RAPGEF1: variants seen among roughly 807,000 people sequenced by gnomAD.
RAPGEF1 encodes CRK SH3-binding GNRP.
A neutral mutation model predicts 143.3 loss-of-function variants in RAPGEF1; 33 were observed. The ratio of observed to expected loss-of-function variants is 0.23; its 90% CI spans 0.17 to 0.31. RAPGEF1 has a LOEUF of 0.31. RAPGEF1 is among the 10% of genes least tolerant of loss of function. The pLI is 1.00. For missense variants in RAPGEF1, 1,199 were observed against 1,645.4 expected (o/e 0.73, Z 4.69); for synonymous variants, 629 against 676.5 (o/e 0.93, Z 1.09).
Position 131,727,423 on chromosome 9 carries a change from C to G in RAPGEF1, c.61+12347G>C, listed in dbSNP as rs1836751124. On this transcript the variant is annotated intron_variant, in intron 1 of 26. Coordinates refer to ENST00000683357, the MANE Select transcript of RAPGEF1 (RefSeq NM_001377935.1). ...ATGATCTTAAAAAGCTCAGGAACCT[C>G]TGTTCCAGTTCAAGGCCCTCCAATT... 2.0e-5 allele frequency among the ~76,000 whole-genome samples: 3 copies of G among 152,180 alleles called. No individual in the cohort carries two copies. The South Asian group carries it at 6.2e-4, about 31-fold the overall frequency.
At chr9:131,725,189 G>C (rs957783101) in intron 1 of RAPGEF1, 1 of 152,252 alleles carries the variant, frequency 6.6e-6, no homozygotes, top group Non-Finnish European at 1.5e-5. Flanking sequence ...TCACTATTTT[G>C]CCCAGGCTGT....
intron 3 of RAPGEF1, among the ~76,000 whole-genome samples, chr9:131,648,752 C>T (rs1970338681): frequency 6.6e-6 from 1 of 152,210 alleles, no homozygotes; most frequent in African/African-American, 2.4e-5. Context: ...CAGGAAAAAC[C>T]ACTTTTCAAC....
At chr9:131,594,059 A>C (rs1954818335) in intron 17 of RAPGEF1, among the ~76,000 whole-genome samples, 1 of 152,036 alleles carries the variant, frequency 6.6e-6, no homozygotes, top group African/African-American at 2.4e-5. Context: ...GAGCCCAGGC[A>C]CGAGGCCACA....
chr9:131,672,409 G>T (rs887972019), intron 1 of RAPGEF1, among the ~76,000 whole-genome samples: 14 of 152,350 alleles, frequency 9.2e-5, no homozygotes, highest in African/African-American at 3.1e-4. Flanking sequence ...GACGGCATCA[G>T]TGTCACATGG....
chr9:131,599,063 T>C (rs902101131), intron 15 of RAPGEF1, among the ~76,000 whole-genome samples: 3 of 151,884 alleles, frequency 2.0e-5, no homozygotes, highest in African/African-American at 7.3e-5. Flanking sequence ...GTCCTCGTGA[T>C]CTGCCCAATT....
At position 131,685,859 on chromosome 9, in the gene RAPGEF1, C is replaced by T. The variant is rs118169404; in HGVS notation, c.62-34910G>A. 5.2e-3 allele frequency among the ~76,000 whole-genome samples: 797 copies of T among 152,206 alleles called. 4 individuals are homozygous for T. Among genetic ancestry groups the T allele is most frequent in the South Asian group, 0.019 (90 of 4,824 alleles). ...GAGAAAACTCAGGCGAATTCAGCTA[C>T]GTGCATTTGGACAAACAGAGAGGCA... On this transcript the variant is annotated intron_variant, in intron 1 of 26. Coordinates refer to ENST00000683357, the MANE Select transcript of RAPGEF1 (RefSeq NM_001377935.1).
chr9:131,580,918 G>A (rs1318814088), intron 25 of RAPGEF1, among the ~76,000 whole-genome samples: 2 of 152,130 alleles, frequency 1.3e-5, no homozygotes, highest in African/African-American at 2.4e-5. Context: ...GCCAAGGTGG[G>A]AGGATCACCT....
intron 14 of RAPGEF1, among the ~76,000 whole-genome samples, chr9:131,603,088 C>G (rs575237306): frequency 1.3e-5 from 2 of 152,316 alleles, no homozygotes; most frequent in African/African-American, 4.8e-5. Flanking sequence ...GGACACTCTT[C>G]AATGTTCTAT....
chr9:131,677,801 A>C (rs1832548342), intron 1 of RAPGEF1, among the ~76,000 whole-genome samples: 1 of 152,226 alleles, frequency 6.6e-6, no homozygotes, highest in South Asian at 2.1e-4. Context: ...TCAGAAGACA[A>C]ACAAGCGGCC....
chr9:131,620,671 T>A (rs1183619975), intron 11 of RAPGEF1, among the ~76,000 whole-genome samples: 1 of 152,132 alleles, frequency 6.6e-6, no homozygotes, highest in Non-Finnish European at 1.5e-5. Flanking sequence ...ACCTCTGAAG[T>A]GGCTGAGTGT....
chr9:131,716,175 T>A (rs928224950), intron 1 of RAPGEF1, among the ~76,000 whole-genome samples: 10 of 152,308 alleles, frequency 6.6e-5, no homozygotes, highest in Admixed American at 2.6e-4. Flanking sequence ...CACCAGCCCA[T>A]CTTTCTTGTG....
intron 10 of RAPGEF1, 71 bp downstream of exon 10, chr9:131,625,851 G>T: frequency 6.7e-7 from 1 of 1,487,176 alleles, no homozygotes; most frequent in Non-Finnish European, 9.0e-7. Context: ...CTGGTCTAAT[G>T]CTGAAATAAA....
At chr9:131,718,347 A>G (rs1305715767) in intron 1 of RAPGEF1, among the ~76,000 whole-genome samples, 2 of 152,164 alleles carry the variant, frequency 1.3e-5, no homozygotes, top group African/African-American at 4.8e-5. Context: ...ATCGCTTCAC[A>G]TGTGTGGGGA....
intron 5 of RAPGEF1, among the ~76,000 whole-genome samples, chr9:131,635,130 T>C (rs1234007336): frequency 6.6e-6 from 1 of 152,182 alleles, no homozygotes; most frequent in African/African-American, 2.4e-5. Flanking sequence ...AAATGGTCAC[T>C]GTGAGCCGTT....
intron 12 of RAPGEF1, among the ~76,000 whole-genome samples, chr9:131,617,980 C>G (rs1049111610): frequency 6.6e-6 from 1 of 152,232 alleles, no homozygotes; most frequent in Non-Finnish European, 1.5e-5. Context: ...AGTGTCAGCC[C>G]CTAGGCTTCA....
At position 131,616,404 on chromosome 9, in the gene RAPGEF1, C is replaced by T. The variant is rs77501825; in HGVS notation, c.2061+2647G>A. ...TGCTGACCCGTGGCCCTGCTTTGCT[C>T]GGGGCCATCCTCCTCAACTGCATGT... On this transcript the variant is annotated intron_variant, in intron 12 of 26. Coordinates refer to ENST00000683357, the MANE Select transcript of RAPGEF1 (RefSeq NM_001377935.1). Among the ~76,000 whole-genome samples the T allele has an allele frequency of 4.2e-4, 64 of 152,304 alleles. 1 individual carries two copies. In the East Asian group the frequency reaches 9.4e-3, roughly 22 times the overall value.
At chr9:131,706,889 T>C (rs1835113656) in intron 1 of RAPGEF1, among the ~76,000 whole-genome samples, 1 of 152,256 alleles carries the variant, frequency 6.6e-6, no homozygotes, top group Non-Finnish European at 1.5e-5. Context: ...CAATTCACTG[T>C]GGATCTTGAA....
intron 1 of RAPGEF1, among the ~76,000 whole-genome samples, chr9:131,652,256 CTTT>C (rs1475386176): frequency 1.3e-5 from 2 of 151,796 alleles, no homozygotes; most frequent in African/African-American, 4.8e-5. Context: ...CATTTTTATT[CTTT>C]TGTTTTTTTG....
At chr9:131,739,526 G>T (rs1275028852) in intron 1 of RAPGEF1, among the ~76,000 whole-genome samples, 1 of 151,128 alleles carries the variant, frequency 6.6e-6, no homozygotes, top group Admixed American at 6.6e-5. Context: ...GCCCGGCCCC[G>T]GGTTGCAGGG....
Sources: allele counts gnomAD v4.1 joint callset (sites outside exome capture counted in the v4.1 genomes callset), GRCh38; gene constraint gnomAD v4.1.1; transcripts MANE v1.5; gene names NCBI Gene and HGNC (gene_info 2026-07-23, HGNC 2026-07-21).